CSTPP1: variants seen among roughly 807,000 people sequenced by gnomAD.
The protein encoded by CSTPP1 is centriolar satellite-associated tubulin polyglutamylase complex regulator 1.
the CSTPP1 span, among the ~76,000 whole-genome samples, chr11:47,026,877 C>CA: frequency 2.0e-5 from 3 of 151,824 alleles, no homozygotes; most frequent in Non-Finnish European, 4.4e-5. Flanking sequence ...GACCCTGTCT[C>CA]AAAAAAACAA....
the CSTPP1 span, among the ~76,000 whole-genome samples, chr11:46,956,729 T>G: frequency 6.6e-6 from 1 of 152,114 alleles, no homozygotes; most frequent in Admixed American, 6.5e-5. Context: ...TCTTCTTGAT[T>G]TTTCAGTTTT....
the CSTPP1 span, chr11:47,157,173 T>C: frequency 4.2e-5 from 67 of 1,609,790 alleles, no homozygotes; most frequent in Non-Finnish European, 5.4e-5. Flanking sequence ...GAGGCGTCGC[T>C]GTTCTACCAG....
the CSTPP1 span, among the ~76,000 whole-genome samples, chr11:47,156,851 T>A: frequency 6.6e-6 from 1 of 152,198 alleles, no homozygotes; most frequent in Non-Finnish European, 1.5e-5. Flanking sequence ...TCATCTCTCA[T>A]CAATGTGTTG....
At chr11:47,079,530 A>C in the CSTPP1 span, among the ~76,000 whole-genome samples, 1 of 152,326 alleles carries the variant, frequency 6.6e-6, no homozygotes, top group Middle Eastern at 3.4e-3. Flanking sequence ...CTGATCAAAG[A>C]AAAACTTGCT....
chr11:47,164,250 T>A, the CSTPP1 span: 1 of 1,611,948 alleles, frequency 6.2e-7, no homozygotes, highest in Admixed American at 1.7e-5. Flanking sequence ...GCCCAGAGAG[T>A]GAGGCCAGGG....
chr11:47,124,410 C>T, the CSTPP1 span, among the ~76,000 whole-genome samples: 5 of 151,744 alleles, frequency 3.3e-5, no homozygotes, highest in Admixed American at 2.0e-4. Flanking sequence ...CCACCGCACC[C>T]GGCCTTAATG....
At chr11:47,136,694 T>C in the CSTPP1 span, among the ~76,000 whole-genome samples, 1 of 152,246 alleles carries the variant, frequency 6.6e-6, no homozygotes, top group East Asian at 1.9e-4. Context: ...AGCCATGCCC[T>C]CTGGATTCCC....
the CSTPP1 span, among the ~76,000 whole-genome samples, chr11:47,049,876 A>G: frequency 6.6e-6 from 1 of 152,078 alleles, no homozygotes; most frequent in Non-Finnish European, 1.5e-5. Context: ...AATTAAAACA[A>G]AACTTTACTA....
chr11:46,983,072 A>C, the CSTPP1 span, among the ~76,000 whole-genome samples: 5 of 152,200 alleles, frequency 3.3e-5, no homozygotes, highest in Non-Finnish European at 2.9e-5. Context: ...ATGCTGTTTT[A>C]ATCTGTAGAG....
At chr11:46,961,211 C>T in the CSTPP1 span, among the ~76,000 whole-genome samples, 2 of 152,142 alleles carry the variant, frequency 1.3e-5, no homozygotes, top group African/African-American at 4.8e-5. Context: ...CTAATTTCTC[C>T]ATATCCTTTC....
At chr11:47,010,705 T>C in the CSTPP1 span, among the ~76,000 whole-genome samples, 1 of 152,248 alleles carries the variant, frequency 6.6e-6, no homozygotes, top group Non-Finnish European at 1.5e-5. Context: ...AATGTATTAG[T>C]TACCAGATGA....
chr11:47,114,682 G>A, the CSTPP1 span, among the ~76,000 whole-genome samples: 1 of 152,188 alleles, frequency 6.6e-6, no homozygotes, highest in African/African-American at 2.4e-5. Flanking sequence ...CATTGATTTT[G>A]TATCCTGAGA....
At chr11:47,002,088 C>A in the CSTPP1 span, among the ~76,000 whole-genome samples, 3 of 152,078 alleles carry the variant, frequency 2.0e-5, no homozygotes, top group Non-Finnish European at 4.4e-5. Flanking sequence ...CACCCCCTCC[C>A]CTGACTTTTT....
chr11:47,023,533 T>G, the CSTPP1 span: 1 of 152,362 alleles, frequency 6.6e-6, no homozygotes, highest in African/African-American at 2.4e-5. Context: ...ACCATCACTG[T>G]CATCCACCTC....
At chr11:46,938,896 C>G in the CSTPP1 span, among the ~76,000 whole-genome samples, 3 of 150,898 alleles carry the variant, frequency 2.0e-5, no homozygotes, top group Non-Finnish European at 4.4e-5. Flanking sequence ...GCTACCTCAG[C>G]CTTCCAAGTA....
the CSTPP1 span, among the ~76,000 whole-genome samples, chr11:47,087,717 ATGTG>A: frequency 4.7e-5 from 7 of 150,194 alleles, no homozygotes; most frequent in East Asian, 1.9e-4. Context: ...TGTCAAATGT[ATGTG>A]TGTGTGTGTG....
the CSTPP1 span, among the ~76,000 whole-genome samples, chr11:47,076,641 G>A: frequency 3.3e-5 from 5 of 152,078 alleles, no homozygotes; most frequent in Non-Finnish European, 7.4e-5. Context: ...AGGAGTTCAA[G>A]ACCAGCCTGG....
chr11:46,942,947 A>G, the CSTPP1 span, among the ~76,000 whole-genome samples: 15 of 152,310 alleles, frequency 9.8e-5, no homozygotes, highest in Non-Finnish European at 1.6e-4. Flanking sequence ...AAAAACCCCT[A>G]TTGGTTCAAA....
the CSTPP1 span, among the ~76,000 whole-genome samples, chr11:47,116,807 G>A: frequency 1.3e-5 from 2 of 150,838 alleles, no homozygotes; most frequent in African/African-American, 2.4e-5. Flanking sequence ...AGCCTCCCGA[G>A]TAGCTGGGAC....
Sources: allele counts gnomAD v4.1 joint callset (sites outside exome capture counted in the v4.1 genomes callset), GRCh38; gene constraint gnomAD v4.1.1; transcripts MANE v1.5; gene names NCBI Gene and HGNC (gene_info 2026-07-23, HGNC 2026-07-21).